BICC1: variants seen among roughly 807,000 people sequenced by gnomAD.
BICC1 encodes the protein protein bicaudal C homolog 1.
In BICC1, 43 loss-of-function variants were observed where a neutral mutation model predicts 111.0. The ratio of observed to expected loss-of-function variants is 0.39; its 90% confidence interval spans 0.30 to 0.50. The LOEUF is 0.50. Among genes scored for constraint, BICC1 ranks in the 20% least tolerant of loss-of-function variants. The pLI is 0.88. For synonymous variants in BICC1, 467 were observed against 434.4 expected, an observed-to-expected ratio of 1.07 and a Z score of -0.93; for missense variants, 1,091 against 1,203.2, an observed-to-expected ratio of 0.91 and a Z score of 1.38.
At chr10:58,771,048 A>G (rs778316536) in intron 3 of BICC1, among the ~76,000 whole-genome samples, 4 of 152,212 alleles carry the variant, frequency 2.6e-5, no homozygotes, top group South Asian at 2.1e-4. Context: ...ACAACAATCT[A>G]TTTCTATGGA....
chr10:58,742,266 A>C (rs1017442445), intron 3 of BICC1, among the ~76,000 whole-genome samples: 2 of 152,044 alleles, frequency 1.3e-5, no homozygotes, highest in African/African-American at 2.4e-5. Flanking sequence ...TTAAAGGGAA[A>C]ATATTTCTAC....
chr10:58,566,717 C>A (rs572355073), intron 1 of BICC1, among the ~76,000 whole-genome samples: 1 of 151,996 alleles, frequency 6.6e-6, no homozygotes, highest in Non-Finnish European at 1.5e-5. Context: ...AAGGTTGTAT[C>A]GCATCATGGT....
chr10:58,553,711 CG>C (rs921827356), intron 1 of BICC1, among the ~76,000 whole-genome samples: 2 of 151,158 alleles, frequency 1.3e-5, no homozygotes, highest in Admixed American at 6.6e-5. Flanking sequence ...GTTTTTTTTT[CG>C]GGGGGGCTAG....
chr10:58,752,904 G>A (rs1460559050), intron 3 of BICC1, among the ~76,000 whole-genome samples: 3 of 152,116 alleles, frequency 2.0e-5, no homozygotes, highest in African/African-American at 7.2e-5. Context: ...TGATGATGCA[G>A]GTGACCAGGG....
At chr10:58,734,965 C>T (rs1019082239) in intron 3 of BICC1, among the ~76,000 whole-genome samples, 8 of 152,142 alleles carry the variant, frequency 5.3e-5, no homozygotes, top group Non-Finnish European at 7.4e-5. Flanking sequence ...GAATTTTCAT[C>T]CCCTCACTAG....
intron 5 of BICC1, 29 bp downstream of exon 5, chr10:58,787,110 TG>T: frequency 6.5e-7 from 1 of 1,529,272 alleles, no homozygotes; most frequent in East Asian, 2.4e-5. Context: ...TGAACTTTTA[TG>T]GGATGAATTA....
At chr10:58,601,847 CTTGAA>C (rs1267430077) in intron 1 of BICC1, among the ~76,000 whole-genome samples, 3 of 152,102 alleles carry the variant, frequency 2.0e-5, no homozygotes, top group South Asian at 2.1e-4. Flanking sequence ...AGGGTTGTAT[CTTGAA>C]TTGAAGATCA....
intron 1 of BICC1, among the ~76,000 whole-genome samples, chr10:58,552,511 A>G (rs1843323008): frequency 6.6e-6 from 1 of 151,694 alleles, no homozygotes; most frequent in Non-Finnish European, 1.5e-5. Context: ...AATTTTTTGT[A>G]TTTTTAGAAG....
intron 2 of BICC1, among the ~76,000 whole-genome samples, chr10:58,629,950 C>T (rs542089312): frequency 9.9e-5 from 15 of 152,268 alleles, no homozygotes; most frequent in African/African-American, 2.2e-4. Context: ...TTGTAGTTTA[C>T]ATGATTATAG....
At chr10:58,770,144 T>G (rs1450052791) in intron 3 of BICC1, among the ~76,000 whole-genome samples, 1 of 152,142 alleles carries the variant, frequency 6.6e-6, no homozygotes, top group Non-Finnish European at 1.5e-5. Context: ...TGCTATATTT[T>G]CTAATATGTA....
chr10:58,755,708 A>C (rs4325270), intron 3 of BICC1, among the ~76,000 whole-genome samples: 2 of 150,610 alleles, frequency 1.3e-5, no homozygotes, highest in African/African-American at 2.5e-5. Flanking sequence ...TTTTTGGCCT[A>C]AGTTTCAATG....
intron 5 of BICC1, 43 bp downstream of exon 5, chr10:58,787,124 G>T: frequency 1.4e-6 from 2 of 1,476,826 alleles, no homozygotes; most frequent in Admixed American, 2.6e-5. Context: ...ATGAATTACA[G>T]CCTTAATTTA....
chr10:58,558,648 C>G (rs1423932468), intron 1 of BICC1, among the ~76,000 whole-genome samples: 2 of 152,036 alleles, frequency 1.3e-5, no homozygotes, highest in Non-Finnish European at 2.9e-5. Context: ...AATCTTAACT[C>G]TAAGCAACAT....
intron 1 of BICC1, among the ~76,000 whole-genome samples, chr10:58,543,763 C>T (rs1843058294): frequency 6.6e-6 from 1 of 150,482 alleles, no homozygotes; most frequent in South Asian, 2.1e-4. Flanking sequence ...CTGTCTCGGC[C>T]TCTCAAAGCA....
chr10:58,565,539 A>C (rs149013385), intron 1 of BICC1, among the ~76,000 whole-genome samples: 1 of 152,314 alleles, frequency 6.6e-6, no homozygotes, highest in African/African-American at 2.4e-5. Context: ...GCTGGATGCT[A>C]CTGTCTCCCC....
intron 3 of BICC1, chr10:58,716,299 A>T (rs1464518498): frequency 1.4e-6 from 2 of 1,477,010 alleles, no homozygotes; most frequent in East Asian, 5.1e-5. Context: ...CATTAAGAAA[A>T]ATCAGGATTC....
chr10:58,526,920 T>C lies in BICC1; in HGVS notation c.190+13587T>C, dbSNP rs1421234516. Among the ~76,000 whole-genome samples the C allele has an allele frequency of 3.3e-5, 5 of 152,242 alleles. No individual in the cohort carries two copies. In the East Asian group the frequency reaches 9.6e-4, roughly 29 times the overall value. On this transcript the variant is annotated intron_variant, in intron 1 of 20. Coordinates refer to ENST00000373886, the MANE Select transcript of BICC1 (RefSeq NM_001080512.3). ...CATGTATCTTTATAGCAGCATGATT[T>C]ATAATCCTTTGGGTATATACCCAGT... is the stretch of plus-strand genomic sequence containing the variant.
intron 1 of BICC1, among the ~76,000 whole-genome samples, chr10:58,526,451 A>G (rs1269320537): frequency 6.6e-6 from 1 of 152,096 alleles, no homozygotes; most frequent in Non-Finnish European, 1.5e-5. Context: ...CAGGTTTGTT[A>G]CATATGTATA....
intron 12 of BICC1, 86 bp from the exon 13 acceptor site, chr10:58,800,108 G>A: frequency 9.4e-7 from 1 of 1,059,800 alleles, no homozygotes; most frequent in Non-Finnish European, 1.3e-6. Context: ...CTTTTTCGTG[G>A]CTGTTATAAA....
Sources: allele counts gnomAD v4.1 joint callset (sites outside exome capture counted in the v4.1 genomes callset), GRCh38; gene constraint gnomAD v4.1.1; transcripts MANE v1.5; gene names NCBI Gene and HGNC (gene_info 2026-07-23, HGNC 2026-07-21).